The following MED19 variants were observed in gnomAD, a reference collection of about 807,000 sequenced individuals.
MED19 encodes the protein mediator complex subunit 19.
A neutral mutation model predicts 19.9 loss-of-function variants in MED19; 4 were observed. The ratio of observed to expected loss-of-function variants is 0.20; its 90% CI spans 0.10 to 0.46. The LOEUF (loss-of-function observed/expected upper bound fraction) is 0.46, where lower values mean the gene tolerates loss of function less well. MED19 is among the 20% of genes least tolerant of loss of function. The pLI is 0.99. For missense variants in MED19, 303 were observed against 318.7 expected (o/e 0.95, Z 0.38); for synonymous variants, 139 against 119.6 (o/e 1.16, Z -1.06).
intron 1 of MED19, among the ~76,000 whole-genome samples, chr11:57,706,790 A>C (rs959491883): frequency 6.6e-6 from 1 of 152,180 alleles, no homozygotes; most frequent in African/African-American, 2.4e-5. Context: ...GGCAACTAGA[A>C]TTATTCTGGC....
chr11:57,705,330 G>T, intron 1 of MED19, 101 bp from the exon 2 acceptor site: 2 of 1,317,118 alleles, frequency 1.5e-6, no homozygotes, highest in Non-Finnish European at 2.0e-6. Context: ...TTTAAGTGCA[G>T]ATTTTAAAAT....
chr11:57,708,204 A>G (rs566875358), intron 1 of MED19, among the ~76,000 whole-genome samples: 1 of 152,266 alleles, frequency 6.6e-6, no homozygotes, highest in South Asian at 2.1e-4. Flanking sequence ...CTCTATTTCA[A>G]TCCATGGCAC....
Position 57,705,079 on chromosome 11 carries a change from T to C in MED19, c.368A>G (p.Asp123Gly), listed in dbSNP as rs180753680. 198 of 1,614,158 alleles carry C rather than the reference T, an allele frequency of 1.2e-4. No homozygotes were observed. Among genetic ancestry groups the C allele is most frequent in the Middle Eastern group, 4.9e-4 (3 of 6,062 alleles). ...AATGAGAGAGCGGAGGCTGCTGTTATCATGGGAACCAGGCAGATCAATCAT... is the reference window on the plus strand; with the variant it reads ...AATGAGAGAGCGGAGGCTGCTGTTACCATGGGAACCAGGCAGATCAATCAT... The change falls in exon 2 of 5, where the codon GAT becomes GGT. Residue 123 changes from aspartate (D) to glycine (G), a missense_variant. Asp to Gly is a moderately conservative substitution (Grantham distance 94). This residue lies in a region of MED19 where 274 missense variants were observed against 259.2 expected (regional missense o/e 1.06). Coordinates refer to ENST00000431606, the Ensembl canonical transcript of MED19.
At chr11:57,709,810 C>T (rs1469411937) in intron 1 of MED19, among the ~76,000 whole-genome samples, 1 of 152,218 alleles carries the variant, frequency 6.6e-6, no homozygotes, top group African/African-American at 2.4e-5. Context: ...ATCCTCCCAC[C>T]TCAGCCTCCC....
At chr11:57,708,120 C>T (rs1946528368) in intron 1 of MED19, among the ~76,000 whole-genome samples, 2 of 151,934 alleles carry the variant, frequency 1.3e-5, no homozygotes. Flanking sequence ...AGGCGTGAAC[C>T]ACCCTGCCCA....
chr11:57,711,851 C>T lies in MED19; in HGVS notation c.217+112G>A, dbSNP rs570467246. The T allele has an allele frequency of 2.0e-4, 245 of 1,197,666 alleles. No individual in the cohort carries two copies. The African/African-American group carries it at 3.3e-3, about 16-fold the overall frequency. The allele number at this position is 1,197,666 out of a possible 1,614,324, so 74.2% of individuals were successfully genotyped here. ...GCTTCCGACTTAGGGCTCCACAGTC[C>T]GGGTATGCGTTGCCTAGGTTACCTC... On this transcript the variant is annotated intron_variant, in intron 1 of 4. Coordinates refer to ENST00000431606, the Ensembl canonical transcript of MED19.
chr11:57,704,945 T>A lies in MED19; in HGVS notation c.474+28A>T, dbSNP rs371749575. On this transcript the variant is annotated intron_variant, in intron 2 of 4. Coordinates refer to ENST00000431606, the Ensembl canonical transcript of MED19. ...CCATCTCCATGTTTAGGCCTCCCCA[T>A]TTGCCTTCTTCCTCCAACAGGACTC... 84 of 1,607,562 alleles carry A rather than the reference T, an allele frequency of 5.2e-5. No homozygotes were observed. The African/African-American group carries it at 1.0e-3, about 19-fold the overall frequency.
intron 3 of MED19, 50 bp downstream of exon 3, chr11:57,704,669 G>GTT (rs34198151): frequency 0.052 from 61,683 of 1,195,822 alleles, 44 homozygotes; most frequent in South Asian, 0.071. Context: ...AGAAGGTCAG[G>GTT]TTTTTTTTTT....
At chr11:57,712,162 T>G in exon 1 of MED19, 1 of 1,528,508 alleles carries the variant, frequency 6.5e-7, no homozygotes, top group Non-Finnish European at 8.8e-7. Context: ...CCCCAAACAG[T>G]GCCGTGAAAT....
chr11:57,707,388 G>C (rs913522868), intron 1 of MED19, among the ~76,000 whole-genome samples: 12 of 152,010 alleles, frequency 7.9e-5, no homozygotes, highest in Non-Finnish European at 1.8e-4. Flanking sequence ...GACAAAAATG[G>C]CTTGTTTATA....
intron 1 of MED19, among the ~76,000 whole-genome samples, chr11:57,710,533 C>T (rs900832289): frequency 7.2e-5 from 11 of 152,188 alleles, no homozygotes; most frequent in Non-Finnish European, 8.8e-5. Context: ...ATATTCTAAG[C>T]TTTTTCTCAC....
chr11:57,704,430 A>G, intron 3 of MED19, 34 bp from the exon 4 acceptor site: 1 of 1,526,964 alleles, frequency 6.5e-7, no homozygotes, highest in Non-Finnish European at 8.8e-7. Flanking sequence ...TCACCTGTAA[A>G]GCTCAAAATC....
intron 1 of MED19, among the ~76,000 whole-genome samples, chr11:57,710,254 T>A (rs1366058199): frequency 6.6e-6 from 1 of 152,150 alleles, no homozygotes; most frequent in Non-Finnish European, 1.5e-5. Context: ...CCTAGCTACT[T>A]GGAAGGCTGA....
intron 4 of MED19, 90 bp from the exon 5 acceptor site, chr11:57,704,196 G>A: frequency 6.5e-7 from 1 of 1,527,488 alleles, no homozygotes; most frequent in Non-Finnish European, 8.7e-7. Context: ...CCTGCCTTGG[G>A]TTTTCAATCT....
intron 1 of MED19, among the ~76,000 whole-genome samples, chr11:57,706,234 G>A (rs1375933472): frequency 6.6e-6 from 1 of 151,930 alleles, no homozygotes; most frequent in African/African-American, 2.4e-5. Flanking sequence ...TGCAACCTCC[G>A]CCTCCTAGGT....
chr11:57,704,669 G>GTTTTTTTTTTTTTTTTTTTTT, intron 3 of MED19, 50 bp downstream of exon 3: 10 of 1,286,324 alleles, frequency 7.8e-6, no homozygotes, highest in African/African-American at 2.1e-5. Flanking sequence ...AGAAGGTCAG[G>GTTTTTTTTTTTTTTTTTTTTT]TTTTTTTTTT....
chr11:57,710,144 T>C lies in MED19; in HGVS notation c.217+1819A>G, dbSNP rs867451935. On this transcript the variant is annotated intron_variant, in intron 1 of 4. Transcript: ENST00000431606. The stretch of plus-strand genomic sequence containing the variant: ...TGGGAGGCCAAGGCGGGAGGACTGC[T>C]GTTGGCCAGGAGTTCAAGACCAGCT... 2.0e-5 allele frequency among the ~76,000 whole-genome samples: 3 copies of C among 152,342 alleles called. No homozygotes were observed. In the Middle Eastern group the frequency reaches 0.01, roughly 518 times the overall value.
At position 57,705,519 on chromosome 11, in the gene MED19, T is replaced by C. The variant is rs148607142; in HGVS notation, c.218-290A>G. On this transcript the variant is annotated intron_variant, in intron 1 of 4. Transcript: ENST00000431606. ...AATACAAAAAATTAGCCAGGCGTGG[T>C]AGCACGTGCCTGTAGTCCCAACTAC... 2.6e-3 allele frequency among the ~76,000 whole-genome samples: 401 copies of C among 151,960 alleles called. 3 individuals carry two copies. The highest frequency in any genetic ancestry group is 8.8e-3 in the African/African-American group (366 of 41,444).
intron 4 of MED19, 43 bp from the exon 5 acceptor site, chr11:57,704,149 C>G: frequency 6.5e-7 from 1 of 1,535,690 alleles, no homozygotes; most frequent in Non-Finnish European, 8.7e-7. Flanking sequence ...AGGAACTAGC[C>G]TTGGCTTTGA....
Sources: gnomAD v4.1 joint callset for allele counts (sites outside exome capture counted in the v4.1 genomes callset) on GRCh38, gnomAD v4.1.1 for gene constraint, gnomAD v4.1.1 regional missense constraint, MANE v1.5 for transcripts, NCBI Gene and HGNC (gene_info 2026-07-23, HGNC 2026-07-21) for gene names.